The following SVOPL variants were observed in gnomAD, a reference collection of about 807,000 sequenced individuals.
SVOPL encodes SVOP like, also known as putative transporter SVOPL.
Under a neutral mutation model 61.0 loss-of-function variants are expected in SVOPL, and 60 were observed. The observed-to-expected ratio is 0.98, with a 90% CI of 0.80 to 1.22. The LOEUF is 1.22. SVOPL is among the 50% of genes most tolerant of loss of function. The pLI, the probability that SVOPL is intolerant of heterozygous loss-of-function variation, is 0.00. For synonymous variants in SVOPL, 279 were observed against 250.0 expected, an observed-to-expected ratio of 1.12 and a Z score of -1.09; for missense variants, 662 against 643.9, an observed-to-expected ratio of 1.03 and a Z score of -0.30.
intron 3 of SVOPL, among the ~76,000 whole-genome samples, chr7:138,677,326 T>C (rs530911148): frequency 6.6e-6 from 1 of 152,104 alleles, no homozygotes; most frequent in Non-Finnish European, 1.5e-5. Context: ...CTCTGAGGCC[T>C]AAGCTCTGAT....
chr7:138,631,823 C>A (rs1248775804), intron 9 of SVOPL, among the ~76,000 whole-genome samples: 2 of 152,058 alleles, frequency 1.3e-5, no homozygotes, highest in Non-Finnish European at 2.9e-5. Context: ...CCCGCCTTGG[C>A]CTCCCAAAGT....
chr7:138,681,136 T>G (rs1802691713), intron 1 of SVOPL, among the ~76,000 whole-genome samples: 1 of 107,960 alleles, frequency 9.3e-6, no homozygotes, highest in African/African-American at 5.2e-5. Context: ...ATCCTAATTT[T>G]GAACTTGAAA....
chr7:138,645,369 A>C (rs745689983), intron 8 of SVOPL, among the ~76,000 whole-genome samples: 1 of 152,054 alleles, frequency 6.6e-6, no homozygotes, highest in Admixed American at 6.6e-5. Context: ...TCGAGAATCA[A>C]CTCTGACCAC....
intron 14 of SVOPL, among the ~76,000 whole-genome samples, chr7:138,604,548 G>A (rs1798667817): frequency 6.6e-6 from 1 of 151,802 alleles, no homozygotes; most frequent in Non-Finnish European, 1.5e-5. Flanking sequence ...GTGGTGGCAG[G>A]CACCTGTAAA....
intron 9 of SVOPL, among the ~76,000 whole-genome samples, chr7:138,638,272 C>CAAAAA (rs56000217): frequency 4.8e-4 from 46 of 95,782 alleles, no homozygotes; most frequent in African/African-American, 1.9e-3. Flanking sequence ...GACTCCACCT[C>CAAAAA]AAAAAAAAAA....
chr7:138,697,322 C>CG (rs1803083789), intron 1 of SVOPL, among the ~76,000 whole-genome samples: 1 of 151,434 alleles, frequency 6.6e-6, no homozygotes, highest in Non-Finnish European at 1.5e-5. Flanking sequence ...AAAAAATTGC[C>CG]AAAAAAATAC....
intron 9 of SVOPL, among the ~76,000 whole-genome samples, chr7:138,634,991 G>C (rs1659807): frequency 0.21 from 31,282 of 151,830 alleles, 3,372 homozygotes; most frequent in African/African-American, 0.26. Context: ...AATATGGGCC[G>C]GGCGCAGTGG....
chr7:138,643,052 G>T (rs1800906860), intron 9 of SVOPL, among the ~76,000 whole-genome samples: 1 of 152,006 alleles, frequency 6.6e-6, no homozygotes, highest in Admixed American at 6.6e-5. Flanking sequence ...ACACAGTATG[G>T]TGATTCCTCA....
chr7:138,663,071 T>C lies in SVOPL; in HGVS notation c.345+3A>G. On this transcript the variant is annotated splice_donor_region_variant and intron_variant, in intron 5 of 15. Transcript: ENST00000674285. ...CCAAATGCTACTGTGAGGCCCCACC[T>C]ACCTTCCAGCGGCCATATCTGTCAG... 6.2e-7 allele frequency: 1 copy of C among 1,614,166 alleles called. No homozygotes were observed. The highest frequency in any genetic ancestry group is 8.5e-7 in the Non-Finnish European group (1 of 1,180,012).
chr7:138,667,096 T>A (rs1802284587), intron 4 of SVOPL, among the ~76,000 whole-genome samples: 1 of 152,076 alleles, frequency 6.6e-6, no homozygotes, highest in South Asian at 2.1e-4. Flanking sequence ...TAAGAGGAGT[T>A]TTAATGAGGG....
chr7:138,631,987 C>T (rs977786660), intron 9 of SVOPL, among the ~76,000 whole-genome samples: 2 of 151,684 alleles, frequency 1.3e-5, no homozygotes, highest in Non-Finnish European at 2.9e-5. Flanking sequence ...CACACACATA[C>T]ACACACCCCT....
At chr7:138,634,033 T>C (rs927832912) in intron 9 of SVOPL, among the ~76,000 whole-genome samples, 1 of 152,206 alleles carries the variant, frequency 6.6e-6, no homozygotes, top group African/African-American at 2.4e-5. Flanking sequence ...GAGCATGAGC[T>C]GAGGTCAGAA....
intron 14 of SVOPL, among the ~76,000 whole-genome samples, chr7:138,613,063 A>T (rs1344574260): frequency 6.6e-6 from 1 of 152,038 alleles, no homozygotes; most frequent in Non-Finnish European, 1.5e-5. Context: ...TCTGTCAGCC[A>T]GGCTGGAGTG....
At chr7:138,620,998 A>AC in intron 14 of SVOPL, 48 bp downstream of exon 14, 1 of 1,561,102 alleles carries the variant, frequency 6.4e-7, no homozygotes, top group Non-Finnish European at 8.8e-7. Context: ...GGTTCCTCTT[A>AC]CCCCCTCTCT....
At chr7:138,667,268 C>A (rs1422453985) in intron 4 of SVOPL, among the ~76,000 whole-genome samples, 3 of 152,206 alleles carry the variant, frequency 2.0e-5, no homozygotes, top group Non-Finnish European at 4.4e-5. Context: ...ATCCATCAGC[C>A]AGACCCCCCA....
intron 14 of SVOPL, among the ~76,000 whole-genome samples, chr7:138,601,590 CG>C (rs1798528585): frequency 6.6e-6 from 1 of 151,488 alleles, no homozygotes; most frequent in African/African-American, 2.4e-5. Flanking sequence ...TAGAATAAAA[CG>C]GTGATTACCA....
chr7:138,676,415 A>T (rs1802561485), intron 3 of SVOPL, among the ~76,000 whole-genome samples: 1 of 152,158 alleles, frequency 6.6e-6, no homozygotes, highest in African/African-American at 2.4e-5. Flanking sequence ...CCCGGAGAGG[A>T]CCTACTCCCT....
At chr7:138,631,952 CTCTGA>C (rs1203850462) in intron 9 of SVOPL, among the ~76,000 whole-genome samples, 9 of 110,104 alleles carry the variant, frequency 8.2e-5, no homozygotes, top group African/African-American at 3.3e-4. Context: ...GTCCCTTCTG[CTCTGA>C]TATCACACAC....
chr7:138,697,855 C>T (rs1260982834), intron 1 of SVOPL, among the ~76,000 whole-genome samples: 1 of 151,472 alleles, frequency 6.6e-6, no homozygotes, highest in Non-Finnish European at 1.5e-5. Flanking sequence ...GAAGATAATC[C>T]CAATAGATTC....
Sources: gnomAD v4.1 joint callset for allele counts (sites outside exome capture counted in the v4.1 genomes callset) on GRCh38, gnomAD v4.1.1 for gene constraint, MANE v1.5 for transcripts, NCBI Gene and HGNC (gene_info 2026-07-23, HGNC 2026-07-21) for gene names.